USP14: variants seen among roughly 807,000 people sequenced by gnomAD.
USP14 encodes the protein ubiquitin carboxyl-terminal hydrolase 14.
In USP14, 38 loss-of-function variants were observed where a neutral mutation model predicts 76.5. That is an observed-to-expected ratio of 0.50 (90% CI 0.38 to 0.65). USP14 has a LOEUF of 0.65. Ranked by LOEUF, USP14 falls within the 30% of genes least tolerant of loss-of-function variation. The pLI is 0.00. For missense variants in USP14, 467 were observed against 586.5 expected (o/e 0.80, Z 2.10); for synonymous variants, 192 against 191.7 (o/e 1.00, Z -0.01).
intron 2 of USP14, among the ~76,000 whole-genome samples, chr18:165,153 T>G (rs2144209752): frequency 6.6e-6 from 1 of 152,112 alleles, no homozygotes; most frequent in East Asian, 1.9e-4. Context: ...TTCACCATGT[T>G]GGCGCTGGTC....
chr18:213,210 T>TAAC lies in USP14; in HGVS notation c.*1929_*1931dup, dbSNP rs1321043980. On this transcript the variant is annotated 3_prime_UTR_variant, in exon 16 of 16. Coordinates refer to ENST00000261601, the MANE Select transcript of USP14 (RefSeq NM_005151.4). ...AACAATTTTATTGAGGACATGAATT[T>TAAC]AACAATTAGAATTTAGATTTTCTGA... 5 of 152,220 alleles carry TAAC rather than the reference T, an allele frequency of 3.3e-5. No individual in the cohort carries two copies. Among genetic ancestry groups the TAAC allele is most frequent in the African/African-American group, 1.2e-4 (5 of 41,452 alleles). The allele number at this position is 152,220 out of a possible 1,614,324, so 9.4% of individuals were successfully genotyped here.
chr18:185,347 C>A (rs1019696383), intron 5 of USP14, among the ~76,000 whole-genome samples: 1 of 151,940 alleles, frequency 6.6e-6, no homozygotes, highest in South Asian at 2.1e-4. Flanking sequence ...TTAGTAGAGA[C>A]GGGTTTTGCT....
chr18:188,546 T>A lies in USP14; in HGVS notation c.405-4296T>A, dbSNP rs1337629381. On this transcript the variant is annotated intron_variant, in intron 5 of 15. Coordinates refer to ENST00000261601, the MANE Select transcript of USP14 (RefSeq NM_005151.4). ...TTTTTCCTTTGTGAGGGTTTGGTGT[T>A]ACAGTTATGCTAGCTCTATGTCTAT... is the stretch of plus-strand genomic sequence containing the variant. Among the ~76,000 whole-genome samples, 5 of 151,528 alleles carry A rather than the reference T, an allele frequency of 3.3e-5. 1 individual carries two copies. Among genetic ancestry groups the A allele is most frequent in the African/African-American group, 4.9e-5 (2 of 41,222 alleles).
At chr18:204,124 C>CTTTAAATA (rs1269871250) in intron 12 of USP14, among the ~76,000 whole-genome samples, 1 of 151,558 alleles carries the variant, frequency 6.6e-6, no homozygotes, top group East Asian at 1.9e-4. Context: ...GTGTTGTATA[C>CTTTAAATA]TTTAAATATA....
chr18:173,834 A>G (rs1322075297), intron 3 of USP14, among the ~76,000 whole-genome samples: 1 of 152,198 alleles, frequency 6.6e-6, no homozygotes, highest in African/African-American at 2.4e-5. Context: ...ATTCTTTTCC[A>G]TTCTTCCTCA....
At chr18:181,934 A>G (rs753203069) in intron 5 of USP14, among the ~76,000 whole-genome samples, 2 of 152,058 alleles carry the variant, frequency 1.3e-5, no homozygotes, top group African/African-American at 2.4e-5. Context: ...ATTATTTTGC[A>G]TGTGTATATC....
In USP14 at chr18:171,434, G is replaced by A. The variant is rs916759793; in HGVS notation, c.195+4615G>A. On this transcript the variant is annotated intron_variant, in intron 3 of 15. Transcript: ENST00000261601. ...GAATGATGCTAAATCTACTCTGCCTGTGCTCTGTATATGGAACAACAAAGC... is the reference window on the plus strand; with the variant it reads ...GAATGATGCTAAATCTACTCTGCCTATGCTCTGTATATGGAACAACAAAGC... 2.0e-5 allele frequency among the ~76,000 whole-genome samples: 3 copies of A among 152,114 alleles called. No individual in the cohort carries two copies. In the South Asian group the frequency reaches 6.2e-4, roughly 32 times the overall value.
At chr18:204,209 A>G (rs585614) in intron 12 of USP14, among the ~76,000 whole-genome samples, 28 of 151,896 alleles carry the variant, frequency 1.8e-4, no homozygotes, top group Non-Finnish European at 2.8e-4. Flanking sequence ...AAAAAAAACC[A>G]TAAGTTTATT....
chr18:186,848 A>C (rs1044426499), intron 5 of USP14, among the ~76,000 whole-genome samples: 1 of 152,158 alleles, frequency 6.6e-6, no homozygotes, highest in Admixed American at 6.5e-5. Flanking sequence ...TAACCAATTC[A>C]AACAGTCTTA....
intron 6 of USP14, among the ~76,000 whole-genome samples, chr18:194,701 C>T (rs963624727): frequency 1.3e-5 from 2 of 152,110 alleles, no homozygotes; most frequent in African/African-American, 4.8e-5. Context: ...GAGGCTGAGG[C>T]GGGCAGATCA....
intron 2 of USP14, 43 bp from the exon 3 acceptor site, chr18:166,744 T>C (rs1288388325): frequency 6.3e-7 from 1 of 1,586,910 alleles, no homozygotes; most frequent in Admixed American, 1.7e-5. Flanking sequence ...GTGTTCAGCT[T>C]GTACAGTGGT....
Position 199,420 on chromosome 18 carries a change from C to T in USP14, c.876+104C>T. 7 of 748,080 alleles carry T rather than the reference C, an allele frequency of 9.4e-6. No homozygotes were observed. In the South Asian group the frequency reaches 1.3e-4, roughly 14 times the overall value. 46.3% of individuals were successfully genotyped at this position (748,080 alleles called of 1,614,324 possible). A position where few individuals can be genotyped will look rare whatever the true frequency, so the allele number is the denominator to read the frequency against. On this transcript the variant is annotated intron_variant, in intron 10 of 15. Transcript: ENST00000261601. ...TTTAATGGTCATTTGTAGACATGTG[C>T]AGAGCAATACGCATTTTGAGTTGCC... is the stretch of plus-strand genomic sequence containing the variant.
At chr18:195,146 A>G (rs191018584) in intron 6 of USP14, among the ~76,000 whole-genome samples, 1 of 151,942 alleles carries the variant, frequency 6.6e-6, no homozygotes, top group East Asian at 1.9e-4. Flanking sequence ...TTTCTTTCAA[A>G]CTAATGAAAT....
intron 3 of USP14, among the ~76,000 whole-genome samples, chr18:177,428 A>G (rs1909657667): frequency 6.6e-6 from 1 of 151,614 alleles, no homozygotes; most frequent in South Asian, 2.1e-4. Flanking sequence ...TCTCTAAAAA[A>G]AAAAAAAAAA....
intron 10 of USP14, among the ~76,000 whole-genome samples, chr18:202,475 T>G (rs1910409572): frequency 6.6e-6 from 1 of 152,252 alleles, no homozygotes; most frequent in South Asian, 2.1e-4. Flanking sequence ...TTGGCTTTTA[T>G]GCATAAAACG....
intron 4 of USP14, among the ~76,000 whole-genome samples, 172 bp downstream of exon 4, chr18:179,209 CCTT>C (rs1350587444): frequency 6.6e-6 from 1 of 151,974 alleles, no homozygotes; most frequent in Non-Finnish European, 1.5e-5. Flanking sequence ...TTAAGGGAGT[CCTT>C]CTGTAGTTAA....
At chr18:170,838 C>T (rs1211319807) in intron 3 of USP14, among the ~76,000 whole-genome samples, 1 of 151,578 alleles carries the variant, frequency 6.6e-6, no homozygotes, top group East Asian at 1.9e-4. Flanking sequence ...AGGAGAACAG[C>T]ACACACGGGG....
Position 198,152 on chromosome 18 carries a change from T to A in USP14, c.761+20T>A, listed in dbSNP as rs201162022. ...AACTACGTATCCTTATGAGCCAAGA[T>A]ATAGACTATACTCATACCTTATTAG... On this transcript the variant is annotated intron_variant, in intron 9 of 15. Coordinates refer to ENST00000261601, the MANE Select transcript of USP14 (RefSeq NM_005151.4). 6.3e-7 allele frequency: 1 copy of A among 1,588,040 alleles called. No individual in the cohort carries two copies. Among genetic ancestry groups the A allele is most frequent in the African/African-American group, 1.3e-5 (1 of 74,502 alleles).
intron 6 of USP14, chr18:196,399 C>A: frequency 3.3e-6 from 1 of 299,362 alleles, no homozygotes; most frequent in Non-Finnish European, 6.2e-6. Flanking sequence ...TGGCGTGTGC[C>A]TGTAATCCCA....
Sources: gnomAD v4.1 joint callset for allele counts (sites outside exome capture counted in the v4.1 genomes callset) on GRCh38, gnomAD v4.1.1 for gene constraint, MANE v1.5 for transcripts, NCBI Gene and HGNC (gene_info 2026-07-23, HGNC 2026-07-21) for gene names.